CCDC68: variants seen among roughly 807,000 people sequenced by gnomAD.
CCDC68 encodes the protein coiled-coil domain containing 68, also known as coiled-coil domain-containing protein 68.
In CCDC68, 45 loss-of-function variants were observed where a neutral mutation model predicts 47.1. The ratio of observed to expected loss-of-function variants is 0.96; its 90% CI spans 0.75 to 1.23. CCDC68 has a LOEUF of 1.23. Among genes scored for constraint, CCDC68 ranks in the 50% most tolerant of loss-of-function variants. The pLI is 0.00. For synonymous variants in CCDC68, 131 were observed against 129.5 expected (o/e 1.01, Z -0.08); for missense variants, 353 against 373.6 (o/e 0.94, Z 0.45).
intron 1 of CCDC68, among the ~76,000 whole-genome samples, chr18:54,953,740 T>C (rs933494189): frequency 1.3e-5 from 2 of 152,166 alleles, no homozygotes; most frequent in African/African-American, 4.8e-5. Flanking sequence ...TTATTAAAGG[T>C]GATAAAGTAG....
At chr18:54,928,065 T>C (rs2044175676) in intron 8 of CCDC68, among the ~76,000 whole-genome samples, 2 of 152,238 alleles carry the variant, frequency 1.3e-5, no homozygotes, top group African/African-American at 4.8e-5. Context: ...TGAAATCGAT[T>C]TGACTTTGAA....
chr18:54,906,103 T>A (rs1352201367), intron 11 of CCDC68, among the ~76,000 whole-genome samples: 1 of 152,112 alleles, frequency 6.6e-6, no homozygotes, highest in Non-Finnish European at 1.5e-5. Flanking sequence ...AAAATAGAAA[T>A]AAATGTAATG....
At chr18:54,950,643 T>C (rs1166874104) in intron 1 of CCDC68, among the ~76,000 whole-genome samples, 1 of 152,100 alleles carries the variant, frequency 6.6e-6, no homozygotes, top group Non-Finnish European at 1.5e-5. Context: ...AGATAAAAGC[T>C]ATTTCGGAGG....
chr18:54,931,732 T>C (rs965271186), intron 7 of CCDC68, among the ~76,000 whole-genome samples: 155 of 152,306 alleles, frequency 1.0e-3, no homozygotes, highest in African/African-American at 3.6e-3. Context: ...AATGCTCTTA[T>C]TGGGCATTTT....
chr18:54,918,958 C>T (rs1302393573), intron 9 of CCDC68, among the ~76,000 whole-genome samples: 1 of 152,126 alleles, frequency 6.6e-6, no homozygotes. Context: ...AGGGCTGAAT[C>T]TCCTGATCTA....
intron 10 of CCDC68, among the ~76,000 whole-genome samples, chr18:54,911,933 A>G (rs1914393170): frequency 6.6e-6 from 1 of 152,214 alleles, no homozygotes; most frequent in African/African-American, 2.4e-5. Context: ...GTCTTGATTC[A>G]TAGACTTTTC....
chr18:54,910,252 A>G (rs1267784232), intron 10 of CCDC68, among the ~76,000 whole-genome samples: 1 of 152,110 alleles, frequency 6.6e-6, no homozygotes, highest in Non-Finnish European at 1.5e-5. Flanking sequence ...TGGCTGCCCC[A>G]TCGTCTGTGC....
At chr18:54,946,241 C>T (rs186985370) in intron 1 of CCDC68, among the ~76,000 whole-genome samples, 1 of 152,228 alleles carries the variant, frequency 6.6e-6, no homozygotes, top group East Asian at 1.9e-4. Context: ...GTCGCTTTGG[C>T]GCCACAAACA....
chr18:54,927,755 G>T (rs1305537597), intron 8 of CCDC68, among the ~76,000 whole-genome samples: 1 of 152,162 alleles, frequency 6.6e-6, no homozygotes, highest in Non-Finnish European at 1.5e-5. Context: ...TAACATATTG[G>T]TATCCTAGTA....
intron 1 of CCDC68, among the ~76,000 whole-genome samples, chr18:54,947,676 C>A (rs1194967385): frequency 6.6e-6 from 1 of 152,152 alleles, no homozygotes; most frequent in African/African-American, 2.4e-5. Context: ...ATGATTTGTA[C>A]ATATTTGTCA....
chr18:54,955,480 G>T (rs962693504), intron 1 of CCDC68, among the ~76,000 whole-genome samples: 2 of 152,106 alleles, frequency 1.3e-5, no homozygotes, highest in Admixed American at 6.5e-5. Flanking sequence ...TTTATAAAAG[G>T]ATTTCTGTTC....
chr18:54,934,290 T>C (rs984590111), intron 7 of CCDC68, among the ~76,000 whole-genome samples: 5 of 152,246 alleles, frequency 3.3e-5, no homozygotes, highest in Non-Finnish European at 7.3e-5. Flanking sequence ...CTATTATTGC[T>C]CTTCTCTAAA....
chr18:54,958,978 T>C (rs1042082153), intron 1 of CCDC68, among the ~76,000 whole-genome samples: 4 of 152,188 alleles, frequency 2.6e-5, no homozygotes, highest in Non-Finnish European at 5.9e-5. Context: ...CGCAGGACTT[T>C]TCTCCATAGC....
At chr18:54,920,550 C>G (rs1455383758) in intron 8 of CCDC68, among the ~76,000 whole-genome samples, 1 of 151,960 alleles carries the variant, frequency 6.6e-6, no homozygotes, top group African/African-American at 2.4e-5. Context: ...ATAGCATGTT[C>G]TAATTAGAAA....
At chr18:54,918,370 G>T (rs1048764878) in intron 9 of CCDC68, among the ~76,000 whole-genome samples, 8 of 152,194 alleles carry the variant, frequency 5.3e-5, no homozygotes, top group African/African-American at 1.9e-4. Context: ...GTGTGCAGAG[G>T]GTCCCTGCAG....
intron 10 of CCDC68, among the ~76,000 whole-genome samples, chr18:54,912,552 G>A (rs763420731): frequency 3.3e-5 from 5 of 152,034 alleles, no homozygotes; most frequent in Non-Finnish European, 5.9e-5. Flanking sequence ...TAAAATCAAC[G>A]TAAAAGACTA....
intron 1 of CCDC68, among the ~76,000 whole-genome samples, chr18:54,950,204 A>G (rs1035857542): frequency 1.3e-5 from 2 of 152,152 alleles, no homozygotes; most frequent in African/African-American, 4.8e-5. Flanking sequence ...TCCTGGTTCT[A>G]AGAGATTATT....
At chr18:54,949,415 G>A (rs886536082) in intron 1 of CCDC68, among the ~76,000 whole-genome samples, 3 of 152,152 alleles carry the variant, frequency 2.0e-5, no homozygotes, top group Non-Finnish European at 2.9e-5. Flanking sequence ...GTTTGCCTAA[G>A]GAGTTGTCTC....
intron 1 of CCDC68, among the ~76,000 whole-genome samples, chr18:54,951,025 C>T (rs2044609984): frequency 6.8e-6 from 1 of 146,754 alleles, no homozygotes; most frequent in African/African-American, 2.5e-5. Context: ...TCTCCTGCCT[C>T]AGCCTCCCGA....
Sources: allele counts gnomAD v4.1 joint callset (sites outside exome capture counted in the v4.1 genomes callset), GRCh38; gene constraint gnomAD v4.1.1; transcripts MANE v1.5; gene names NCBI Gene and HGNC (gene_info 2026-07-23, HGNC 2026-07-21).